Variants in MAP2K1 observed in about 807,000 individuals in gnomAD.
MAP2K1 encodes the protein dual specificity mitogen-activated protein kinase kinase 1.
A neutral mutation model predicts 46.3 loss-of-function variants in MAP2K1; 16 were observed. The ratio of observed to expected loss-of-function variants is 0.35; its 90% CI spans 0.23 to 0.52. The LOEUF (loss-of-function observed/expected upper bound fraction) is 0.52. Among genes scored for constraint, MAP2K1 ranks in the 20% least tolerant of loss-of-function variants. MAP2K1 has a pLI of 0.94. For missense variants in MAP2K1, 263 were observed against 497.1 expected (o/e 0.53, Z 4.48); for synonymous variants, 183 against 185.6 (o/e 0.99, Z 0.11).
intron 2 of MAP2K1, among the ~76,000 whole-genome samples, chr15:66,435,484 C>T (rs1437701948): frequency 6.6e-6 from 1 of 151,892 alleles, no homozygotes; most frequent in Non-Finnish European, 1.5e-5. Context: ...CGCCACCATG[C>T]ATGGCTAATT....
At chr15:66,483,331 C>T (rs1037581307) in intron 6 of MAP2K1, among the ~76,000 whole-genome samples, 2 of 152,114 alleles carry the variant, frequency 1.3e-5, no homozygotes, top group African/African-American at 4.8e-5. Flanking sequence ...CACAGTGGAA[C>T]TCTCTTTCTC....
At chr15:66,449,017 A>AAC (rs1488425220) in intron 5 of MAP2K1, among the ~76,000 whole-genome samples, 1 of 150,892 alleles carries the variant, frequency 6.6e-6, no homozygotes, top group Non-Finnish European at 1.5e-5. Context: ...AAAAAAAAAA[A>AAC]AAAAAAAAAA....
At chr15:66,456,058 C>A (rs1224590056) in intron 5 of MAP2K1, among the ~76,000 whole-genome samples, 1 of 152,128 alleles carries the variant, frequency 6.6e-6, no homozygotes, top group Non-Finnish European at 1.5e-5. Context: ...TATGCTCCTC[C>A]GTGTCTATTC....
At chr15:66,391,245 C>T (rs906681891) in intron 1 of MAP2K1, among the ~76,000 whole-genome samples, 3 of 152,082 alleles carry the variant, frequency 2.0e-5, no homozygotes, top group African/African-American at 7.2e-5. Context: ...TTGGGGTGTT[C>T]TTAATATTTA....
chr15:66,456,503 C>T (rs1352198090), intron 5 of MAP2K1, among the ~76,000 whole-genome samples: 1 of 152,178 alleles, frequency 6.6e-6, no homozygotes. Flanking sequence ...CAGCTTTGCT[C>T]ATTCTTGTGT....
At chr15:66,465,976 A>G (rs1595877101) in intron 5 of MAP2K1, among the ~76,000 whole-genome samples, 1 of 152,208 alleles carries the variant, frequency 6.6e-6, no homozygotes, top group East Asian at 1.9e-4. Context: ...TGTACCATCA[A>G]ATACATACAA....
intron 1 of MAP2K1, among the ~76,000 whole-genome samples, chr15:66,416,829 G>A (rs1332046418): frequency 6.6e-6 from 1 of 152,136 alleles, no homozygotes; most frequent in Non-Finnish European, 1.5e-5. Flanking sequence ...AAATCTAATG[G>A]TGTTAGGTGT....
intron 5 of MAP2K1, among the ~76,000 whole-genome samples, chr15:66,480,014 C>T (rs1892876004): frequency 6.6e-6 from 1 of 152,078 alleles, no homozygotes; most frequent in Non-Finnish European, 1.5e-5. Context: ...AAGTGATTCT[C>T]CTGCCTCAGC....
At chr15:66,476,018 T>C (rs1463831712) in intron 5 of MAP2K1, among the ~76,000 whole-genome samples, 1 of 152,252 alleles carries the variant, frequency 6.6e-6, no homozygotes, top group Non-Finnish European at 1.5e-5. Context: ...AATAGTGTTA[T>C]TCCTGGGACA....
At chr15:66,461,516 T>TAAA (rs1567018188) in intron 5 of MAP2K1, among the ~76,000 whole-genome samples, 6 of 126,900 alleles carry the variant, frequency 4.7e-5, no homozygotes, top group African/African-American at 1.4e-4. Flanking sequence ...AAATAAATAA[T>TAAA]AAAATAATAA....
At chr15:66,401,907 C>T (rs1010331657) in intron 1 of MAP2K1, 34 of 1,074,920 alleles carry the variant, frequency 3.2e-5, no homozygotes, top group Middle Eastern at 4.3e-4. Context: ...TTGAGTGTGA[C>T]GGGTGCATCG....
rs529345987 is a variant in MAP2K1 at position 66,391,786 on chromosome 15, A to C, written c.80+4359A>C. 6.6e-4 allele frequency among the ~76,000 whole-genome samples: 100 copies of C among 152,132 alleles called. 1 individual carries two copies. The highest frequency in any genetic ancestry group is 2.4e-4 in the Non-Finnish European group (16 of 68,022). On this transcript the variant is annotated intron_variant, in intron 1 of 10. Transcript: ENST00000307102. ...TTTCTTTTGTTTTAGTCACCCACTC[A>C]ACCATTCTAAGATATTTATATGGTT... is the stretch of plus-strand genomic sequence containing the variant.
At chr15:66,486,599 C>T (rs1285144344) in intron 7 of MAP2K1, among the ~76,000 whole-genome samples, 3 of 152,148 alleles carry the variant, frequency 2.0e-5, no homozygotes, top group Non-Finnish European at 4.4e-5. Context: ...TGTGCAGTAC[C>T]ACCTGCCTCT....
chr15:66,393,025 TCAAA>T (rs749972406), intron 1 of MAP2K1, among the ~76,000 whole-genome samples: 72 of 152,326 alleles, frequency 4.7e-4, no homozygotes, highest in Middle Eastern at 6.8e-3. Flanking sequence ...CCTTGCTGCC[TCAAA>T]CAGTCATGAC....
rs768750195 is a variant in MAP2K1 at position 66,387,310 on chromosome 15, C to T, written c.-38C>T. 20 of 1,493,068 alleles carry T rather than the reference C, an allele frequency of 1.3e-5. No individual in the cohort carries two copies. The highest frequency in any genetic ancestry group is 5.6e-5 in the African/African-American group (4 of 71,318). The allele number at this position is 1,493,068 out of a possible 1,614,324, so 92.5% of individuals were successfully genotyped here. On this transcript the variant is annotated 5_prime_UTR_variant, in exon 1 of 11. Coordinates refer to ENST00000307102, the MANE Select transcript of MAP2K1 (RefSeq NM_002755.4). Reference sequence around the variant, plus strand: ...GCGGGAGGAAGCGAGAGGTGCTGCCCTCCCCCCGGAGTTGGAAGCGCGTTA... The same window carrying T: ...GCGGGAGGAAGCGAGAGGTGCTGCCTTCCCCCCGGAGTTGGAAGCGCGTTA...
At chr15:66,481,018 C>T (rs1160365069) in intron 5 of MAP2K1, among the ~76,000 whole-genome samples, 5 of 152,084 alleles carry the variant, frequency 3.3e-5, no homozygotes, top group East Asian at 1.9e-4. Context: ...TGACAGTGAC[C>T]GGATGGGTGG....
chr15:66,482,437 AC>A (rs1196827740), intron 6 of MAP2K1, among the ~76,000 whole-genome samples: 1 of 152,018 alleles, frequency 6.6e-6, no homozygotes, highest in Non-Finnish European at 1.5e-5. Flanking sequence ...TCAGACATGT[AC>A]CCCTCCTTCT....
rs764379969 is a variant in MAP2K1, at chr15:66,485,088, T to G, written c.792T>G (p.Pro264=). 1.8e-5 allele frequency: 29 copies of G among 1,613,792 alleles called. No individual in the cohort carries two copies. The highest frequency in any genetic ancestry group is 2.4e-5 in the Non-Finnish European group (28 of 1,179,990). ...VEMAVGRYPI[P]PPDAKELELM... Reference sequence around the variant, plus strand: ...TGGCGGTTGGGAGGTATCCCATCCCTCCTCCAGATGCCAAGGAGCTGGAGC... The same window carrying G: ...TGGCGGTTGGGAGGTATCCCATCCCGCCTCCAGATGCCAAGGAGCTGGAGC... The change falls in exon 7 of 11, where the codon CCT becomes CCG. Residue 264 remains proline (P), a synonymous_variant. Coordinates refer to ENST00000307102, the MANE Select transcript of MAP2K1 (RefSeq NM_002755.4).
chr15:66,421,885 T>A (rs1257701195), intron 1 of MAP2K1, among the ~76,000 whole-genome samples: 1 of 147,598 alleles, frequency 6.8e-6, no homozygotes, highest in Non-Finnish European at 1.5e-5. Flanking sequence ...CTCTTTCTCT[T>A]TTTTTTTTTT....
Sources: gnomAD v4.1 joint callset for allele counts (sites outside exome capture counted in the v4.1 genomes callset) on GRCh38, gnomAD v4.1.1 for gene constraint, MANE v1.5 for transcripts, NCBI Gene and HGNC (gene_info 2026-07-23, HGNC 2026-07-21) for gene names.